The following TBC1D2 variants were observed in gnomAD, a reference collection of about 807,000 sequenced individuals.
The protein encoded by TBC1D2 is TBC1 domain family member 2A.
TBC1D2 carries 58 observed loss-of-function variants against 91.1 expected under a neutral mutation model. The observed-to-expected ratio is 0.64, with a 90% CI of 0.52 to 0.79. The LOEUF is 0.79. Among genes scored for constraint, TBC1D2 ranks in the 30% least tolerant of loss-of-function variants. TBC1D2 has a pLI of 0.00. For synonymous variants in TBC1D2, 482 were observed against 511.5 expected (o/e 0.94, Z 0.78); for missense variants, 1,080 against 1,208.3 (o/e 0.89, Z 1.57).
chr9:98,251,389 G>C (rs186418079), intron 2 of TBC1D2, among the ~76,000 whole-genome samples: 1 of 152,090 alleles, frequency 6.6e-6, no homozygotes, highest in Non-Finnish European at 1.5e-5. Context: ...GTGAAAGTTT[G>C]ATTTCTTGAG....
At chr9:98,247,048 C>T (rs893532767) in intron 2 of TBC1D2, among the ~76,000 whole-genome samples, 1 of 151,880 alleles carries the variant, frequency 6.6e-6, no homozygotes, top group African/African-American at 2.4e-5. Context: ...AAATCAAGGG[C>T]CGGGCGCAGT....
At chr9:98,201,361 G>A (rs1309821587) in intron 11 of TBC1D2, 118 bp downstream of exon 11, 18 of 946,830 alleles carry the variant, frequency 1.9e-5, no homozygotes, top group East Asian at 2.6e-5. Flanking sequence ...CTCAGGAGAC[G>A]TTCAACAGCT....
intron 6 of TBC1D2, among the ~76,000 whole-genome samples, chr9:98,216,247 G>A (rs1588040060): frequency 6.6e-6 from 1 of 152,218 alleles, no homozygotes; most frequent in Admixed American, 6.5e-5. Context: ...AGTGCAACGT[G>A]AGCGTGAGCA....
At chr9:98,224,592 C>T (rs1175652965) in intron 5 of TBC1D2, among the ~76,000 whole-genome samples, 2 of 152,110 alleles carry the variant, frequency 1.3e-5, no homozygotes, top group African/African-American at 4.8e-5. Flanking sequence ...CCAAGTGGTA[C>T]TTTTAATATT....
intron 9 of TBC1D2, among the ~76,000 whole-genome samples, chr9:98,204,566 C>T (rs1035346307): frequency 2.0e-5 from 3 of 152,200 alleles, no homozygotes. Context: ...TGGGTTCTCT[C>T]TAGATTGGAT....
At chr9:98,253,644 G>A (rs939584865) in intron 1 of TBC1D2, among the ~76,000 whole-genome samples, 1 of 152,108 alleles carries the variant, frequency 6.6e-6, no homozygotes, top group African/African-American at 2.4e-5. Context: ...TCTTGGCCTG[G>A]AATACCTTTC....
intron 4 of TBC1D2, among the ~76,000 whole-genome samples, chr9:98,232,301 G>A (rs1829387491): frequency 7.0e-6 from 1 of 142,744 alleles, no homozygotes; most frequent in Admixed American, 7.0e-5. Flanking sequence ...GGCACTGACT[G>A]CTCCAAAGGG....
At chr9:98,248,928 A>G (rs1273544086) in intron 2 of TBC1D2, among the ~76,000 whole-genome samples, 2 of 152,214 alleles carry the variant, frequency 1.3e-5, no homozygotes, top group African/African-American at 4.8e-5. Context: ...GCAGGAGAGA[A>G]CATGCCTTGC....
In TBC1D2 at chr9:98,203,304, G is replaced by A. The variant is rs1234196356; in HGVS notation, c.2255C>T (p.Thr752Met). The A allele has an allele frequency of 6.2e-6, 10 of 1,614,132 alleles. No individual in the cohort carries two copies. The highest frequency in any genetic ancestry group is 3.3e-5 in the Admixed American group (2 of 60,004). ...TIMPADYYCN[T>M]LTASQVDQRV... is the part of the protein sequence containing the mutation. ...CCCACTTACCTGGGATGCCGTCAGC[G>A]TGTTGCAGTAGTAATCAGCGGGCAT... is the stretch of plus-strand genomic sequence containing the variant. Residue 752 changes from threonine to methionine, a missense_variant, in exon 10 of 13, where the codon ACG becomes ATG. Thr to Met is a moderately conservative substitution (Grantham distance 81). Coordinates refer to ENST00000465784, the MANE Select transcript of TBC1D2 (RefSeq NM_001267571.2).
intron 7 of TBC1D2, 87 bp from the exon 8 acceptor site, chr9:98,210,930 AG>A: frequency 8.4e-7 from 1 of 1,196,578 alleles, no homozygotes; most frequent in Non-Finnish European, 1.2e-6. Context: ...TAGGCAGCAC[AG>A]CCCTTCCAGC....
chr9:98,199,512 G>A lies in TBC1D2; in HGVS notation c.2656C>T (p.Arg886Trp), dbSNP rs753913278. 37 of 1,614,044 alleles carry A rather than the reference G, an allele frequency of 2.3e-5. No homozygotes were observed. The highest frequency in any genetic ancestry group is 1.2e-4 in the South Asian group (11 of 91,090). The change falls in exon 13 of 13, where the codon CGG becomes TGG. Residue 886 changes from arginine (R) to tryptophan (W), a missense_variant. By Grantham distance (101) the Arg-to-Trp change is moderately radical. Transcript: ENST00000465784. The part of the protein sequence containing the change: ...KQLRQLRMVH[R>W]ERLEAELREL... The stretch of plus-strand genomic sequence containing the variant: ...CGCAGCTCAGCCTCCAGCCGCTCCC[G>A]GTGGACCATGCGCAGCTGCCGCAGC...
intron 6 of TBC1D2, among the ~76,000 whole-genome samples, chr9:98,214,661 T>G (rs1226611946): frequency 6.6e-6 from 1 of 152,196 alleles, no homozygotes; most frequent in Admixed American, 6.5e-5. Context: ...TTGGGGCACA[T>G]CCTCGTCAGG....
At chr9:98,253,322 C>T (rs73488774) in intron 1 of TBC1D2, among the ~76,000 whole-genome samples, 7,487 of 152,236 alleles carry the variant, frequency 0.049, 365 homozygotes, top group African/African-American at 0.13. Flanking sequence ...ACATCTCCCT[C>T]ATTCTATTTC....
chr9:98,247,661 G>A lies in TBC1D2; in HGVS notation c.512-3532C>T, dbSNP rs182430197. Among the ~76,000 whole-genome samples, 167 of 150,200 alleles carry A rather than the reference G, an allele frequency of 1.1e-3. 3 individuals carry two copies. The East Asian group carries it at 0.025, about 22-fold the overall frequency. ...GGAGAATCATTTGAACCCAGGAGAC[G>A]GAGGTTGCAGTGAGCCAAGATCGCG... On this transcript the variant is annotated intron_variant, in intron 2 of 12. Transcript: ENST00000465784.
Position 98,212,978 on chromosome 9 carries a change from T to A in TBC1D2, c.1485+130A>T, listed in dbSNP as rs911426439. The A allele has an allele frequency of 3.0e-5, 29 of 981,822 alleles. No individual in the cohort carries two copies. The Admixed American group carries it at 6.5e-4, about 22-fold the overall frequency. The allele number at this position is 981,822 out of a possible 1,614,324, so 60.8% of individuals were successfully genotyped here. A position where few individuals can be genotyped will look rare whatever the true frequency, so the allele number is the denominator to read the frequency against. ...CTGGAGAAGAACCTGATATGGGCCC[T>A]GCTCACAAGGGGTCAGTTCAGAGGG... is the stretch of plus-strand genomic sequence containing the variant. On this transcript the variant is annotated intron_variant, in intron 7 of 12. Transcript: ENST00000465784.
intron 11 of TBC1D2, among the ~76,000 whole-genome samples, 178 bp downstream of exon 11, chr9:98,201,301 C>G (rs1176134690): frequency 1.3e-5 from 2 of 152,230 alleles, no homozygotes; most frequent in Non-Finnish European, 2.9e-5. Flanking sequence ...ACTTCAGAGG[C>G]AGAACCACTA....
chr9:98,202,050 A>G (rs1221092562), intron 10 of TBC1D2, among the ~76,000 whole-genome samples: 1 of 152,198 alleles, frequency 6.6e-6, no homozygotes, highest in Non-Finnish European at 1.5e-5. Context: ...GGCGAAATGG[A>G]AGCTTTGTCT....
intron 8 of TBC1D2, 44 bp downstream of exon 8, chr9:98,210,612 C>T (rs748348187): frequency 1.8e-5 from 27 of 1,492,308 alleles, no homozygotes; most frequent in South Asian, 6.6e-5. Flanking sequence ...GGGGAGGAGC[C>T]GCCAGCTCAC....
chr9:98,231,795 T>C (rs1469428697), intron 4 of TBC1D2, among the ~76,000 whole-genome samples: 2 of 152,200 alleles, frequency 1.3e-5, no homozygotes, highest in Non-Finnish European at 2.9e-5. Context: ...ACAGTTCCAG[T>C]TGCTGTAAGA....
Sources: gnomAD v4.1 joint callset for allele counts (sites outside exome capture counted in the v4.1 genomes callset) on GRCh38, gnomAD v4.1.1 for gene constraint, MANE v1.5 for transcripts, NCBI Gene and HGNC (gene_info 2026-07-23, HGNC 2026-07-21) for gene names.